Variants in DHTKD1 observed in about 807,000 individuals in gnomAD.
The protein encoded by DHTKD1 is dehydrogenase E1 and transketolase domain containing 1.
In DHTKD1, 78 loss-of-function variants were observed where a neutral mutation model predicts 101.8. The observed-to-expected ratio is 0.77, with a 90% CI of 0.64 to 0.93. The LOEUF is 0.93. Ranked by LOEUF, DHTKD1 falls within the 40% of genes least tolerant of loss-of-function variation. The pLI, the probability that DHTKD1 is intolerant of heterozygous loss-of-function variation, is 0.00. For synonymous variants in DHTKD1, 462 were observed against 450.3 expected, an observed-to-expected ratio of 1.03 and a Z score of -0.33; for missense variants, 1,223 against 1,161.7, an observed-to-expected ratio of 1.05 and a Z score of -0.77.
rs1288679729 is a variant in DHTKD1, at chr10:12,103,491, C to CCGTGTG, written c.1896+2310_1896+2311insCGTGTG. 6.5e-4 allele frequency among the ~76,000 whole-genome samples: 94 copies of CCGTGTG among 144,992 alleles called. No homozygotes were observed. Among genetic ancestry groups the CCGTGTG allele is most frequent in the African/African-American group, 2.4e-3 (94 of 39,374 alleles). Reference sequence around the variant, plus strand: ...CCCCAACTTCGTTGTACATCTCAATCTGTGTGTGTGTGTGTGTGTGTGTGT... The same window carrying CCGTGTG: ...CCCCAACTTCGTTGTACATCTCAATCCGTGTGTGTGTGTGTGTGTGTGTGTGTGTGT... On this transcript the variant is annotated intron_variant, in intron 10 of 16. Transcript: ENST00000263035. This position sits in a 1 kb window ranked among gnomAD's most constrained non-coding sequence, Gnocchi z 4.8.
At chr10:12,096,586 G>A (rs928579708) in intron 7 of DHTKD1, among the ~76,000 whole-genome samples, 6 of 152,126 alleles carry the variant, frequency 3.9e-5, no homozygotes, top group African/African-American at 9.7e-5. Context: ...AGCTGGTCTC[G>A]CCATCTGCCC....
intron 15 of DHTKD1, among the ~76,000 whole-genome samples, chr10:12,119,473 G>A (rs367591387): frequency 7.3e-5 from 11 of 150,858 alleles, no homozygotes; most frequent in South Asian, 4.2e-4. Flanking sequence ...AAAATTAGCC[G>A]GGCGTGGTGG....
rs750586229 is a variant in DHTKD1, at chr10:12,091,602, T to C, written c.1077T>C (p.Ser359=). Residue 359 remains serine, a synonymous_variant, in exon 6 of 17, where the codon AGT becomes AGC. Transcript: ENST00000263035. ...SNLPHFRIGG[S]VHLIVNNQLG... ...TCCCACATTTCAGAATTGGTGGGAG[T>C]GTGCATTTGATTGTTAATAACCAGC... 1 of 1,613,134 alleles carries C rather than the reference T, an allele frequency of 6.2e-7. No individual in the cohort carries two copies. The highest frequency in any genetic ancestry group is 1.1e-5 in the South Asian group (1 of 91,036).
intron 6 of DHTKD1, among the ~76,000 whole-genome samples, chr10:12,093,298 C>A (rs1279817444): frequency 6.6e-6 from 1 of 152,182 alleles, no homozygotes; most frequent in Non-Finnish European, 1.5e-5. Context: ...CCTGCCTCAG[C>A]CTCCCAGAGT....
intron 13 of DHTKD1, among the ~76,000 whole-genome samples, chr10:12,116,901 A>G (rs886583872): frequency 1.3e-5 from 2 of 151,852 alleles, no homozygotes; most frequent in African/African-American, 2.4e-5. Flanking sequence ...GGGTTTCACC[A>G]TCTTGCCTAG....
At chr10:12,079,446 G>A (rs1832781367) in intron 1 of DHTKD1, among the ~76,000 whole-genome samples, 1 of 152,054 alleles carries the variant, frequency 6.6e-6, no homozygotes, top group African/African-American at 2.4e-5. Context: ...GAGGCAGGTG[G>A]ATCACAAGGT....
Position 12,088,904 on chromosome 10 carries a change from G to T in DHTKD1, c.718-82G>T. On this transcript the variant is annotated intron_variant, in intron 4 of 16. Coordinates refer to ENST00000263035, the MANE Select transcript of DHTKD1 (RefSeq NM_018706.7). ...CTGGCTTTAAATTTTCTTTTTTGTT[G>T]TATGATTTCAACTCAGCACTTCTTC... 11 of 1,322,628 alleles carry T rather than the reference G, an allele frequency of 8.3e-6. No individual in the cohort carries two copies. The South Asian group carries it at 9.8e-5, about 12-fold the overall frequency. The allele number at this position is 1,322,628 out of a possible 1,614,324, so 81.9% of individuals were successfully genotyped here. A position where few individuals can be genotyped will look rare whatever the true frequency, so the allele number is the denominator to read the frequency against.
Position 12,107,474 on chromosome 10 carries a change from G to C in DHTKD1, c.2048-435G>C, listed in dbSNP as rs1478909922. ...ACTCTGTCCCTCAGGCTGGTGTGCA[G>C]TGGCATGATCTCAGGACACTGCAAC... On this transcript the variant is annotated intron_variant, in intron 11 of 16. Coordinates refer to ENST00000263035, the MANE Select transcript of DHTKD1 (RefSeq NM_018706.7). The surrounding 1 kb of genome is among the most constrained non-coding windows in gnomAD (Gnocchi z 4.1). Among the ~76,000 whole-genome samples the C allele has an allele frequency of 6.6e-6, 1 of 152,012 alleles. No individual in the cohort carries two copies. The highest frequency in any genetic ancestry group is 1.9e-4 in the East Asian group (1 of 5,180).
chr10:12,089,273 A>G lies in DHTKD1; in HGVS notation c.987+18A>G, dbSNP rs1289624524. 1 of 1,608,600 alleles carries G rather than the reference A, an allele frequency of 6.2e-7. No individual in the cohort carries two copies. Among genetic ancestry groups the G allele is most frequent in the South Asian group, 1.1e-5 (1 of 90,860 alleles). ...GCTTACAGGTACTTGGAGCTTCTGA[A>G]ATTGAGGCCAGAGGTGGGGAAAACT... is the stretch of plus-strand genomic sequence containing the variant. On this transcript the variant is annotated intron_variant, in intron 5 of 16. Coordinates refer to ENST00000263035, the MANE Select transcript of DHTKD1 (RefSeq NM_018706.7).
chr10:12,105,009 A>C (rs917037732), intron 10 of DHTKD1, among the ~76,000 whole-genome samples: 1 of 151,496 alleles, frequency 6.6e-6, no homozygotes, highest in Admixed American at 6.6e-5. Context: ...TGAGGCCTGC[A>C]TCACCATGCT....
At chr10:12,114,835 G>A (rs535763659) in intron 13 of DHTKD1, among the ~76,000 whole-genome samples, 11 of 151,710 alleles carry the variant, frequency 7.3e-5, no homozygotes, top group African/African-American at 1.2e-4. Flanking sequence ...TCGCTCTGTC[G>A]CCCAGGCTGG....
At chr10:12,101,536 C>A (rs745669276) in intron 10 of DHTKD1, among the ~76,000 whole-genome samples, 1 of 152,184 alleles carries the variant, frequency 6.6e-6, no homozygotes, top group Non-Finnish European at 1.5e-5. Context: ...ATAGCAAAAT[C>A]GCACATCCTC....
At chr10:12,098,913 G>C (rs1000497164) in intron 8 of DHTKD1, among the ~76,000 whole-genome samples, 3 of 152,218 alleles carry the variant, frequency 2.0e-5, no homozygotes, top group Non-Finnish European at 4.4e-5. Context: ...GCTCCTATCT[G>C]TAATACCAGT....
In DHTKD1 at chr10:12,087,992, G is replaced by A. The variant is rs888220728; in HGVS notation, c.717+263G>A. Among the ~76,000 whole-genome samples, 10 of 152,140 alleles carry A rather than the reference G, an allele frequency of 6.6e-5. No homozygotes were observed. The highest frequency in any genetic ancestry group is 1.9e-4 in the African/African-American group (8 of 41,436). On this transcript the variant is annotated intron_variant, in intron 4 of 16. Transcript: ENST00000263035. The surrounding 1 kb of genome is among the most constrained non-coding windows in gnomAD (Gnocchi z 5.2). ...GCCAAGCATGGTGGCACGCACCCGT[G>A]TTCCCAGCTACTCAGGAGACTGAGG...
At chr10:12,098,032 C>T in intron 8 of DHTKD1, 36 bp downstream of exon 8, 2 of 1,548,212 alleles carry the variant, frequency 1.3e-6, no homozygotes, top group East Asian at 2.3e-5. Context: ...ATTGCTTCTC[C>T]TTCCTGCTCA....
Position 12,108,006 on chromosome 10 carries a change from T to C in DHTKD1, c.2145T>C (p.Arg715=). 1 of 1,612,888 alleles carries C rather than the reference T, an allele frequency of 6.2e-7. No homozygotes were observed. Among genetic ancestry groups the C allele is most frequent in the Non-Finnish European group, 8.5e-7 (1 of 1,178,966 alleles). The change falls in exon 12 of 17, where the codon CGT becomes CGC. Residue 715 remains arginine (R), a synonymous_variant. Transcript: ENST00000263035. ...GPDHSSCRIE[R]FLQMCDSAEE... ...ACCACTCATCCTGTCGAATAGAGCGTTTCCTGCAGGTAAGGGTAACGTCTT... is the reference window on the plus strand; with the variant it reads ...ACCACTCATCCTGTCGAATAGAGCGCTTCCTGCAGGTAAGGGTAACGTCTT...
chr10:12,097,734 G>T lies in DHTKD1; in HGVS notation c.1409G>T (p.Gly470Val), dbSNP rs1833093116. 6.2e-7 allele frequency: 1 copy of T among 1,614,048 alleles called. No individual in the cohort carries two copies. The highest frequency in any genetic ancestry group is 8.5e-7 in the Non-Finnish European group (1 of 1,180,010). The change falls in exon 8 of 17, where the codon GGA (glycine) becomes GTA (valine). Residue 470 changes from glycine (G) to valine (V), a missense_variant. By Grantham distance (109) the Gly-to-Val change is moderately radical. Transcript: ENST00000263035. ...TATGCAGAGCACCTCATTGCTGGCG[G>T]ACTCATGACGCAGGAGGAGGTGTCT... The part of the protein sequence containing the change: ...DTYAEHLIAG[G>V]LMTQEEVSEI...
At chr10:12,119,585 C>A (rs1358300306) in intron 15 of DHTKD1, among the ~76,000 whole-genome samples, 1 of 141,420 alleles carries the variant, frequency 7.1e-6, no homozygotes, top group Non-Finnish European at 1.5e-5. Context: ...TACTGCACTC[C>A]AGCCTGGGCG....
At chr10:12,116,107 T>A (rs1833412562) in intron 13 of DHTKD1, among the ~76,000 whole-genome samples, 1 of 151,812 alleles carries the variant, frequency 6.6e-6, no homozygotes, top group Non-Finnish European at 1.5e-5. Flanking sequence ...ATTTTTGTAT[T>A]TTTAATAGAG....
Sources: gnomAD v4.1 joint callset for allele counts (sites outside exome capture counted in the v4.1 genomes callset) on GRCh38, gnomAD v4.1.1 for gene constraint, Gnocchi (gnomAD v3.1) non-coding constraint, MANE v1.5 for transcripts, NCBI Gene and HGNC (gene_info 2026-07-23, HGNC 2026-07-21) for gene names.